Variants in PHEX observed in about 807,000 individuals in gnomAD.
PHEX encodes the protein phosphate regulating endopeptidase X-linked.
PHEX carries 16 observed loss-of-function variants against 68.0 expected under a neutral mutation model. That is an observed-to-expected ratio of 0.24 (90% CI 0.16 to 0.36). The LOEUF is 0.36. Ranked by LOEUF, PHEX falls within the 10% of genes least tolerant of loss-of-function variation. The pLI is 1.00. For synonymous variants in PHEX, 208 were observed against 205.1 expected, an observed-to-expected ratio of 1.01 and a Z score of -0.12; for missense variants, 480 against 575.5, an observed-to-expected ratio of 0.83 and a Z score of 1.70.
chrX:22,167,725 C>T (rs1402058683), intron 12 of PHEX, among the ~76,000 whole-genome samples: 1 of 110,116 alleles, frequency 9.1e-6, no homozygotes, highest in African/African-American at 3.3e-5. Context: ...GAATTCCTGG[C>T]CTCAAGCAAT....
intron 12 of PHEX, among the ~76,000 whole-genome samples, chrX:22,165,373 C>T (rs924710660): frequency 2.7e-5 from 3 of 111,846 alleles, no homozygotes; most frequent in Non-Finnish European, 3.8e-5. Flanking sequence ...CAGGAGACAT[C>T]TCAGAACTAG....
chrX:22,084,977 C>T (rs1450466618), intron 5 of PHEX, among the ~76,000 whole-genome samples: 2 of 109,646 alleles, frequency 1.8e-5, no homozygotes. Context: ...TTATAGTCTA[C>T]ATTTCATTTA....
chrX:22,183,449 TGATA>T (rs1933939257), intron 14 of PHEX, among the ~76,000 whole-genome samples: 1 of 111,754 alleles, frequency 8.9e-6, no homozygotes, highest in Admixed American at 9.6e-5. Flanking sequence ...CTTTGAAAAA[TGATA>T]GATAATGGTT....
At chrX:22,059,005 A>G (rs1432964836) in intron 3 of PHEX, among the ~76,000 whole-genome samples, 3 of 111,536 alleles carry the variant, frequency 2.7e-5, no homozygotes, top group Non-Finnish European at 5.6e-5. Context: ...GGGTTTCAAC[A>G]TGTTGGCCAG....
At chrX:22,109,968 T>C (rs1047644336) in intron 9 of PHEX, among the ~76,000 whole-genome samples, 1 of 112,105 alleles carries the variant, frequency 8.9e-6, no homozygotes, top group African/African-American at 3.2e-5. Context: ...ATCATCCTCA[T>C]TGTATGAAAA....
At chrX:22,185,366 A>G (rs1458474752) in intron 14 of PHEX, among the ~76,000 whole-genome samples, 1 of 112,508 alleles carries the variant, frequency 8.9e-6, no homozygotes, top group East Asian at 2.8e-4. Flanking sequence ...GTCAAAGCCC[A>G]TAAGCAACTT....
At chrX:22,243,882 C>A (rs1230127349) in intron 20 of PHEX, among the ~76,000 whole-genome samples, 1 of 111,964 alleles carries the variant, frequency 8.9e-6, no homozygotes, top group Non-Finnish European at 1.9e-5. Context: ...GGCGATTCCT[C>A]AAGGATCTAG....
At chrX:22,070,118 C>T (rs1160232321) in intron 3 of PHEX, among the ~76,000 whole-genome samples, 1 of 110,845 alleles carries the variant, frequency 9.0e-6, no homozygotes, top group Non-Finnish European at 1.9e-5. Flanking sequence ...CATAGACCAT[C>T]CAAAGGTAGT....
chrX:22,115,166 A>G (rs1380630995), intron 11 of PHEX, among the ~76,000 whole-genome samples: 1 of 110,729 alleles, frequency 9.0e-6, no homozygotes, highest in African/African-American at 3.3e-5. Context: ...CATCTCTACT[A>G]AAAAAAATAC....
intron 10 of PHEX, among the ~76,000 whole-genome samples, chrX:22,113,943 C>CTTTTTTTTTTTTTTTT (rs746349559): frequency 1.6e-5 from 1 of 63,994 alleles, no homozygotes; most frequent in Non-Finnish European, 2.9e-5. Context: ...TCTTCTTCTT[C>CTTTTTTTTTTTTTTTT]TTTTTTTTTT....
At chrX:22,151,406 G>C (rs986665571) in intron 12 of PHEX, among the ~76,000 whole-genome samples, 1 of 111,378 alleles carries the variant, frequency 9.0e-6, no homozygotes, top group Non-Finnish European at 1.9e-5. Flanking sequence ...CTTCAGGAAA[G>C]TTTTCAGTTT....
intron 3 of PHEX, among the ~76,000 whole-genome samples, chrX:22,074,888 C>T (rs770760892): frequency 3.6e-5 from 4 of 110,537 alleles, no homozygotes; most frequent in South Asian, 3.9e-4. Flanking sequence ...CCAGCCTGGC[C>T]GACATGGTGA....
intron 13 of PHEX, among the ~76,000 whole-genome samples, chrX:22,176,309 C>T (rs990762691): frequency 9.6e-6 from 1 of 104,463 alleles, no homozygotes; most frequent in Non-Finnish European, 1.9e-5. Flanking sequence ...ATCGCATGAA[C>T]CTGGGAGGTA....
chrX:22,173,196 C>A (rs776718522), intron 13 of PHEX, among the ~76,000 whole-genome samples: 9 of 112,379 alleles, frequency 8.0e-5, no homozygotes, highest in Non-Finnish European at 1.5e-4. Context: ...TTTCAAGGGA[C>A]CCCTGGCCAT....
chrX:22,185,534 AGTTT>A (rs755905491), intron 14 of PHEX, among the ~76,000 whole-genome samples: 15 of 111,791 alleles, frequency 1.3e-4, no homozygotes, highest in African/African-American at 4.9e-4. Flanking sequence ...CCAATTCAAT[AGTTT>A]GTTAAGCCAT....
intron 12 of PHEX, among the ~76,000 whole-genome samples, chrX:22,160,041 G>A (rs1014437115): frequency 1.8e-5 from 2 of 111,968 alleles, no homozygotes; most frequent in Non-Finnish European, 3.8e-5. Context: ...TGTTCTTTCA[G>A]CATTAAGGAG....
chrX:22,201,349 T>A (rs2301323), intron 15 of PHEX, among the ~76,000 whole-genome samples: 6,533 of 110,638 alleles, frequency 0.059, 180 homozygotes, highest in Middle Eastern at 0.078. Flanking sequence ...GCTATTTTTT[T>A]AAAATATATA....
chrX:22,185,821 T>C (rs991196717), intron 14 of PHEX, among the ~76,000 whole-genome samples: 3 of 103,948 alleles, frequency 2.9e-5, no homozygotes, highest in African/African-American at 1.1e-4. Context: ...ATTGGCGTGA[T>C]CTCGGCTCAC....
chrX:22,092,069 A>G (rs1377948646), intron 6 of PHEX, among the ~76,000 whole-genome samples: 1 of 111,517 alleles, frequency 9.0e-6, no homozygotes, highest in East Asian at 2.8e-4. Context: ...CAGCCAAACC[A>G]TATCACCCAC....
Sources: gnomAD v4.1 joint callset for allele counts (sites outside exome capture counted in the v4.1 genomes callset) on GRCh38, gnomAD v4.1.1 for gene constraint, MANE v1.5 for transcripts, NCBI Gene and HGNC (gene_info 2026-07-23, HGNC 2026-07-21) for gene names.